The following ADAMTS19 variants were observed in gnomAD, a reference collection of about 807,000 sequenced individuals.
The protein encoded by ADAMTS19 is ADAM metallopeptidase with thrombospondin type 1 motif 19.
Under a neutral mutation model 153.3 loss-of-function variants are expected in ADAMTS19, and 93 were observed. The observed-to-expected ratio is 0.61, with a 90% confidence interval of 0.51 to 0.72. The LOEUF (loss-of-function observed/expected upper bound fraction) is 0.72. Among genes scored for constraint, ADAMTS19 ranks in the 30% least tolerant of loss-of-function variants. ADAMTS19 has a pLI of 0.00. For missense variants in ADAMTS19, 1,482 were observed against 1,552.1 expected, an observed-to-expected ratio of 0.95 and a Z score of 0.76; for synonymous variants, 600 against 556.6, an observed-to-expected ratio of 1.08 and a Z score of -1.10.
intron 7 of ADAMTS19, among the ~76,000 whole-genome samples, chr5:129,555,424 T>C (rs1753280571): frequency 6.6e-6 from 1 of 152,178 alleles, no homozygotes. Flanking sequence ...TTGTTATCAT[T>C]ATTATTTTAC....
At chr5:129,563,951 T>G (rs6863293) in intron 7 of ADAMTS19, among the ~76,000 whole-genome samples, 126,522 of 151,430 alleles carry the variant, frequency 0.84, 53,101 homozygotes, top group Non-Finnish European at 0.88. Flanking sequence ...ACGTAGTATC[T>G]CTTTGTCACC....
At chr5:129,638,276 T>G (rs1200848458) in intron 10 of ADAMTS19, among the ~76,000 whole-genome samples, 3 of 152,208 alleles carry the variant, frequency 2.0e-5, no homozygotes, top group Non-Finnish European at 4.4e-5. Flanking sequence ...ATTATAGAAT[T>G]GTTCACCTTT....
At chr5:129,539,470 A>T (rs1438588282) in intron 6 of ADAMTS19, among the ~76,000 whole-genome samples, 3 of 152,070 alleles carry the variant, frequency 2.0e-5, no homozygotes, top group Non-Finnish European at 4.4e-5. Context: ...TTGTCCCATT[A>T]AGACCTGCAC....
chr5:129,697,419 T>G (rs1353455843), intron 19 of ADAMTS19, among the ~76,000 whole-genome samples: 3 of 152,196 alleles, frequency 2.0e-5, no homozygotes, highest in African/African-American at 7.2e-5. Context: ...TTTCCTGTCT[T>G]TTGCATTCCT....
At chr5:129,623,013 T>A (rs1213178283) in intron 10 of ADAMTS19, among the ~76,000 whole-genome samples, 1 of 152,142 alleles carries the variant, frequency 6.6e-6, no homozygotes, top group Non-Finnish European at 1.5e-5. Context: ...AAATGCGATA[T>A]GAAAATATAA....
intron 7 of ADAMTS19, among the ~76,000 whole-genome samples, chr5:129,585,263 A>G (rs1435905890): frequency 1.3e-5 from 2 of 151,596 alleles, no homozygotes; most frequent in African/African-American, 4.8e-5. Flanking sequence ...TGAGCCGGGT[A>G]ACTCAGTTGG....
chr5:129,585,246 A>T (rs1018885091), intron 7 of ADAMTS19, among the ~76,000 whole-genome samples: 5 of 151,358 alleles, frequency 3.3e-5, no homozygotes, highest in Non-Finnish European at 5.9e-5. Flanking sequence ...AACCAGTCCC[A>T]GTGAGATGAG....
chr5:129,528,758 T>A, intron 6 of ADAMTS19, 81 bp downstream of exon 6: 1 of 1,145,152 alleles, frequency 8.7e-7, no homozygotes, highest in South Asian at 1.8e-5. Flanking sequence ...TAATAGATAA[T>A]GTTTTTATTT....
intron 2 of ADAMTS19, among the ~76,000 whole-genome samples, chr5:129,503,068 C>A (rs931543821): frequency 6.6e-6 from 1 of 152,172 alleles, no homozygotes; most frequent in Non-Finnish European, 1.5e-5. Context: ...AAGATGTAAT[C>A]ATGCAACTAA....
At chr5:129,692,950 A>T (rs1195771685) in intron 18 of ADAMTS19, among the ~76,000 whole-genome samples, 2 of 152,162 alleles carry the variant, frequency 1.3e-5, no homozygotes, top group African/African-American at 4.8e-5. Flanking sequence ...AATAAGTTGC[A>T]TTCCATCAGT....
chr5:129,691,413 C>T (rs918145025), intron 18 of ADAMTS19, among the ~76,000 whole-genome samples: 4 of 152,172 alleles, frequency 2.6e-5, no homozygotes, highest in African/African-American at 9.7e-5. Flanking sequence ...GTTATTTCAT[C>T]ACTTTCTGTT....
At position 129,461,014 on chromosome 5, in the gene ADAMTS19, T is replaced by C. The variant is rs1332000837; in HGVS notation, c.92-88T>C. On this transcript the variant is annotated intron_variant, in intron 1 of 22. Transcript: ENST00000274487. This position sits in a 1 kb window ranked among gnomAD's most constrained non-coding sequence, Gnocchi z 4.6. ...TCCATTGCATTCAACGCGAGCGCCC[T>C]GTATCTATGGACTGTGAGCTTGGAA... The C allele has an allele frequency of 7.9e-7, 1 of 1,264,042 alleles. No homozygotes were observed. Among genetic ancestry groups the C allele is most frequent in the Non-Finnish European group, 9.9e-7 (1 of 1,006,284 alleles). 78.3% of individuals were successfully genotyped at this position (1,264,042 alleles called of 1,614,324 possible). A position where few individuals can be genotyped will look rare whatever the true frequency, so the allele number is the denominator to read the frequency against.
chr5:129,699,229 C>T (rs1196808241), intron 19 of ADAMTS19, among the ~76,000 whole-genome samples: 1 of 151,858 alleles, frequency 6.6e-6, no homozygotes, highest in South Asian at 2.1e-4. Context: ...CAAGACCAGC[C>T]TGGCCAAAAT....
intron 7 of ADAMTS19, among the ~76,000 whole-genome samples, chr5:129,567,566 C>G (rs189893402): frequency 6.6e-6 from 1 of 152,040 alleles, no homozygotes; most frequent in African/African-American, 2.4e-5. Flanking sequence ...AATAAAATCT[C>G]TCTGGATAAG....
intron 13 of ADAMTS19, among the ~76,000 whole-genome samples, chr5:129,650,911 C>A (rs1753290789): frequency 6.6e-6 from 1 of 152,110 alleles, no homozygotes; most frequent in African/African-American, 2.4e-5. Flanking sequence ...CAACACAAGT[C>A]TTTCTAATGT....
intron 16 of ADAMTS19, among the ~76,000 whole-genome samples, chr5:129,670,625 T>G (rs1163767949): frequency 6.6e-6 from 1 of 152,154 alleles, no homozygotes; most frequent in Admixed American, 6.5e-5. Flanking sequence ...GTAATTGTCG[T>G]CCATGCAACA....
At chr5:129,577,708 G>A (rs1005166556) in intron 7 of ADAMTS19, among the ~76,000 whole-genome samples, 6 of 152,130 alleles carry the variant, frequency 3.9e-5, no homozygotes, top group East Asian at 3.9e-4. Flanking sequence ...ATTAATGAAC[G>A]ATTACAGGAA....
At chr5:129,723,076 G>A (rs1242476605) in intron 21 of ADAMTS19, among the ~76,000 whole-genome samples, 2 of 152,076 alleles carry the variant, frequency 1.3e-5, no homozygotes, top group East Asian at 3.8e-4. Flanking sequence ...ATGTTTATCA[G>A]TAATGCCAAA....
intron 13 of ADAMTS19, among the ~76,000 whole-genome samples, chr5:129,650,150 G>A (rs1753253811): frequency 6.6e-6 from 1 of 152,158 alleles, no homozygotes; most frequent in Non-Finnish European, 1.5e-5. Flanking sequence ...TAGCCTGGGT[G>A]ACAGAGTGAG....
Sources: gnomAD v4.1 joint callset for allele counts (sites outside exome capture counted in the v4.1 genomes callset) on GRCh38, gnomAD v4.1.1 for gene constraint, Gnocchi (gnomAD v3.1) non-coding constraint, MANE v1.5 for transcripts, NCBI Gene and HGNC (gene_info 2026-07-23, HGNC 2026-07-21) for gene names.